DIPK1A: variants seen among roughly 807,000 people sequenced by gnomAD.
DIPK1A encodes divergent protein kinase domain 1A, also known as family with sequence similarity 69 member A.
In DIPK1A, 27 loss-of-function variants were observed where a neutral mutation model predicts 40.8. That is an observed-to-expected ratio of 0.66 (90% CI 0.49 to 0.91). The LOEUF (loss-of-function observed/expected upper bound fraction) is 0.91. Among genes scored for constraint, DIPK1A ranks in the 40% least tolerant of loss-of-function variants. The probability of loss-of-function intolerance (pLI) is 0.00; values close to 1 mark genes in which losing one functional copy is unlikely to be tolerated. For missense variants in DIPK1A, 412 were observed against 505.7 expected (o/e 0.81, Z 1.78); for synonymous variants, 166 against 171.3 (o/e 0.97, Z 0.24).
At chr1:92,925,320 T>C (rs1376730866) in intron 1 of DIPK1A, among the ~76,000 whole-genome samples, 2 of 152,232 alleles carry the variant, frequency 1.3e-5, no homozygotes, top group African/African-American at 4.8e-5. Flanking sequence ...TGAGAAGTTA[T>C]TTCTTCTTCA....
intron 1 of DIPK1A, among the ~76,000 whole-genome samples, chr1:92,907,253 A>C (rs1649658684): frequency 6.6e-6 from 1 of 152,176 alleles, no homozygotes; most frequent in Non-Finnish European, 1.5e-5. Flanking sequence ...GAATACTACC[A>C]ATAAATTATT....
chr1:92,960,849 G>A (rs1030444802), intron 1 of DIPK1A, among the ~76,000 whole-genome samples: 1 of 152,182 alleles, frequency 6.6e-6, no homozygotes, highest in African/African-American at 2.4e-5. Flanking sequence ...TGGAGCCTGG[G>A]GAAACACTGG....
intron 1 of DIPK1A, among the ~76,000 whole-genome samples, chr1:92,912,757 C>T (rs965184219): frequency 1.3e-5 from 2 of 152,074 alleles, no homozygotes; most frequent in African/African-American, 4.8e-5. Flanking sequence ...CCTGATGGAG[C>T]TATACCTAAT....
At position 92,843,247 on chromosome 1, in the gene DIPK1A, A is replaced by T. The variant is rs1687444605; in HGVS notation, c.*136T>A. ...CACCTGCCATTACTTCAGTGATCAC[A>T]TACTGATGGCTTCTCAGGCCTGGGG... On this transcript the variant is annotated 3_prime_UTR_variant, in exon 5 of 5. Transcript: ENST00000370310. 6 of 1,440,236 alleles carry T rather than the reference A, an allele frequency of 4.2e-6. No homozygotes were observed. The highest frequency in any genetic ancestry group is 3.1e-5 in the South Asian group (2 of 64,092). The allele number at this position is 1,440,236 out of a possible 1,614,324, so 89.2% of individuals were successfully genotyped here.
chr1:92,918,951 G>A (rs576159263), intron 1 of DIPK1A, among the ~76,000 whole-genome samples: 6 of 152,188 alleles, frequency 3.9e-5, no homozygotes, highest in Non-Finnish European at 5.9e-5. Context: ...AGGAGGCGGA[G>A]CTCAGACAGT....
At chr1:92,883,327 G>T (rs936221590) in intron 1 of DIPK1A, among the ~76,000 whole-genome samples, 1 of 152,166 alleles carries the variant, frequency 6.6e-6, no homozygotes, top group African/African-American at 2.4e-5. Flanking sequence ...CAGGTAAAAA[G>T]AACTCATCAT....
At chr1:92,915,710 G>A (rs1650027366) in intron 1 of DIPK1A, among the ~76,000 whole-genome samples, 1 of 152,104 alleles carries the variant, frequency 6.6e-6, no homozygotes, top group African/African-American at 2.4e-5. Flanking sequence ...AAACAGTTTG[G>A]CAGTTTCACA....
intron 4 of DIPK1A, 52 bp from the exon 5 acceptor site, chr1:92,844,247 C>A: frequency 8.8e-7 from 1 of 1,130,588 alleles, no homozygotes; most frequent in Non-Finnish European, 1.3e-6. Context: ...ACCTCCCATG[C>A]AACATACTAA....
At chr1:92,834,720 A>T in intron 4 of DIPK1A, 2 of 1,600,802 alleles carry the variant, frequency 1.2e-6, no homozygotes, top group Non-Finnish European at 1.7e-6. Flanking sequence ...AAAAATAATT[A>T]AGATGTAGTA....
chr1:92,875,600 C>T (rs1648080942), intron 2 of DIPK1A, among the ~76,000 whole-genome samples: 1 of 151,678 alleles, frequency 6.6e-6, no homozygotes, highest in Non-Finnish European at 1.5e-5. Flanking sequence ...GCCTGTGATT[C>T]CAGCTACTTG....
chr1:92,876,914 C>T, intron 1 of DIPK1A: 2 of 883,880 alleles, frequency 2.3e-6, no homozygotes, highest in South Asian at 1.0e-4. Context: ...ACAACCAGAA[C>T]AAGAAATTAA....
intron 1 of DIPK1A, among the ~76,000 whole-genome samples, chr1:92,887,966 A>G (rs924169106): frequency 3.3e-5 from 5 of 151,830 alleles, no homozygotes; most frequent in African/African-American, 9.7e-5. Context: ...AATTTATTAA[A>G]TAATAATCTA....
chr1:92,851,007 A>C lies in DIPK1A; in HGVS notation c.190-52T>G. ...TTAATAGAAAAATATTCACAAGAAG[A>C]AGCATAAAGAGATATCTATATCCTT... On this transcript the variant is annotated intron_variant, in intron 2 of 4. Transcript: ENST00000370310. The C allele has an allele frequency of 4.3e-6, 5 of 1,169,058 alleles. No individual in the cohort carries two copies. The South Asian group carries it at 5.5e-5, about 13-fold the overall frequency. The allele number at this position is 1,169,058 out of a possible 1,614,324, so 72.4% of individuals were successfully genotyped here.
intron 1 of DIPK1A, among the ~76,000 whole-genome samples, chr1:92,899,403 AT>A (rs745947846): frequency 6.6e-6 from 1 of 152,056 alleles, no homozygotes; most frequent in East Asian, 1.9e-4. Context: ...GTGAAATATC[AT>A]TTTCCATCCC....
intron 1 of DIPK1A, among the ~76,000 whole-genome samples, chr1:92,915,079 C>G (rs981367888): frequency 1.1e-5 from 1 of 93,536 alleles, no homozygotes; most frequent in African/African-American, 4.5e-5. Flanking sequence ...CAGAGCAAGA[C>G]TGTCAAAAAA....
chr1:92,942,284 G>A (rs1358198969), intron 1 of DIPK1A, among the ~76,000 whole-genome samples: 1 of 152,146 alleles, frequency 6.6e-6, no homozygotes, highest in African/African-American at 2.4e-5. Context: ...TGTCCTGGGG[G>A]AATAAATTAT....
At chr1:92,849,336 T>TG (rs957640647) in intron 3 of DIPK1A, among the ~76,000 whole-genome samples, 150 of 150,060 alleles carry the variant, frequency 1.0e-3, no homozygotes, top group African/African-American at 3.4e-3. Flanking sequence ...CAATCTTGTC[T>TG]GGTTTTTTTT....
chr1:92,878,442 C>T (rs531824917), intron 1 of DIPK1A, among the ~76,000 whole-genome samples: 42 of 152,064 alleles, frequency 2.8e-4, no homozygotes, highest in Admixed American at 2.0e-3. Context: ...CCCAGAACTT[C>T]GGGAGGCCAA....
chr1:92,909,680 T>C (rs1242935781), intron 1 of DIPK1A, among the ~76,000 whole-genome samples: 1 of 152,170 alleles, frequency 6.6e-6, no homozygotes, highest in African/African-American at 2.4e-5. Context: ...TTATTGGCCC[T>C]AGGTGTAGAG....
Sources: gnomAD v4.1 joint callset for allele counts (sites outside exome capture counted in the v4.1 genomes callset) on GRCh38, gnomAD v4.1.1 for gene constraint, MANE v1.5 for transcripts, NCBI Gene and HGNC (gene_info 2026-07-23, HGNC 2026-07-21) for gene names.